Variants in MAML3 observed in about 807,000 individuals in gnomAD.
MAML3 encodes mastermind like transcriptional coactivator 3.
MAML3 carries 27 observed loss-of-function variants against 101.9 expected under a neutral mutation model. That is an observed-to-expected ratio of 0.27 (90% CI 0.20 to 0.37). The LOEUF is 0.37. Ranked by LOEUF, MAML3 falls within the 10% of genes least tolerant of loss-of-function variation. MAML3 has a pLI of 1.00. For missense variants in MAML3, 1,316 were observed against 1,444.9 expected, an observed-to-expected ratio of 0.91 and a Z score of 1.45; for synonymous variants, 501 against 555.9, an observed-to-expected ratio of 0.90 and a Z score of 1.39.
chr4:140,085,158 C>A (rs936692971), intron 1 of MAML3, among the ~76,000 whole-genome samples: 7 of 152,106 alleles, frequency 4.6e-5, no homozygotes, highest in African/African-American at 1.7e-4. Flanking sequence ...AGCCACAGCA[C>A]GAAGAAACAA....
At chr4:139,948,022 A>T (rs189301102) in intron 1 of MAML3, among the ~76,000 whole-genome samples, 486 of 152,098 alleles carry the variant, frequency 3.2e-3, no homozygotes, top group Non-Finnish European at 5.5e-3. Context: ...AATCGCTTGA[A>T]CCTGGGAGGG....
chr4:139,890,166 CT>C lies in MAML3; in HGVS notation c.1269del (p.Ala424ProfsTer17). The C allele has an allele frequency of 6.2e-7, 1 of 1,613,464 alleles. No homozygotes were observed. ...CAVQSPQTPN[Q>X]AHTPGQAPPR... is the part of the protein sequence containing the mutation. ...GGTGGAGCTTGGCCTGGAGTGTGGG[CT>C]TGGTTTGGAGTTTGAGGGGACTGGA... On this transcript the variant is annotated frameshift_variant, in exon 2 of 5. Transcript: ENST00000509479. LOFTEE classifies it high-confidence loss of function. The surrounding 1 kb of genome is among the most constrained non-coding windows in gnomAD (Gnocchi z 4.1).
At chr4:140,130,172 T>C (rs1306000847) in intron 1 of MAML3, among the ~76,000 whole-genome samples, 1 of 152,190 alleles carries the variant, frequency 6.6e-6, no homozygotes, top group African/African-American at 2.4e-5. Context: ...TCTTTTTGTT[T>C]TTCAATTGTG....
chr4:140,143,018 G>A (rs145694228), intron 1 of MAML3, among the ~76,000 whole-genome samples: 328 of 152,328 alleles, frequency 2.2e-3, no homozygotes, highest in Non-Finnish European at 3.7e-3. Context: ...TATTTGAAAT[G>A]AATTTTGTTA....
chr4:140,150,443 C>G (rs1480016614), intron 1 of MAML3, among the ~76,000 whole-genome samples: 3 of 152,114 alleles, frequency 2.0e-5, no homozygotes, highest in Non-Finnish European at 4.4e-5. Flanking sequence ...AGTTTCTGGT[C>G]GCAAACTCTA....
intron 2 of MAML3, among the ~76,000 whole-genome samples, chr4:139,732,361 C>A (rs1036355169): frequency 6.6e-6 from 1 of 152,106 alleles, no homozygotes; most frequent in Non-Finnish European, 1.5e-5. Context: ...TGCAGGCTTC[C>A]CTCTCCACTA....
rs142339572 is a variant in MAML3, at chr4:140,020,410, AT to A, written c.469-129444del. 2.5e-3 allele frequency among the ~76,000 whole-genome samples: 368 copies of A among 148,658 alleles called. 1 individual carries two copies. Among genetic ancestry groups the A allele is most frequent in the African/African-American group, 7.4e-3 (298 of 40,514 alleles). On this transcript the variant is annotated intron_variant, in intron 1 of 4. Coordinates refer to ENST00000509479, the MANE Select transcript of MAML3 (RefSeq NM_018717.5). ...CACCATGAAATCTAATTTGAGGCTG[AT>A]TTTTTTTTTTGTTTGTGCATTTGGT...
chr4:140,147,904 GTGAA>G (rs1729091955), intron 1 of MAML3, among the ~76,000 whole-genome samples: 1 of 65,224 alleles, frequency 1.5e-5, no homozygotes, highest in Non-Finnish European at 3.1e-5. Flanking sequence ...GGGTGAGTGA[GTGAA>G]TGAGTGAATG....
chr4:139,947,666 C>A (rs1026592013), intron 1 of MAML3, among the ~76,000 whole-genome samples: 27 of 152,156 alleles, frequency 1.8e-4, no homozygotes, highest in African/African-American at 6.5e-4. Flanking sequence ...TAAAGTGTAT[C>A]TAGAATCTAG....
intron 2 of MAML3, among the ~76,000 whole-genome samples, chr4:139,769,626 T>C (rs1560788698): frequency 6.6e-6 from 1 of 152,166 alleles, no homozygotes; most frequent in African/African-American, 2.4e-5. Flanking sequence ...CTTTTTCTTT[T>C]TTTTTTTTGA....
At chr4:139,817,058 A>G (rs1578614989) in intron 2 of MAML3, among the ~76,000 whole-genome samples, 1 of 152,122 alleles carries the variant, frequency 6.6e-6, no homozygotes, top group African/African-American at 2.4e-5. Context: ...CCCTTCTGAA[A>G]CATACCTCTG....
intron 2 of MAML3, among the ~76,000 whole-genome samples, chr4:139,871,348 G>T (rs903790961): frequency 1.3e-5 from 2 of 152,202 alleles, no homozygotes; most frequent in Non-Finnish European, 2.9e-5. Context: ...CTCTCACTTT[G>T]CCAGGAACCA....
chr4:139,967,295 T>C (rs952668), intron 1 of MAML3, among the ~76,000 whole-genome samples: 43,543 of 151,978 alleles, frequency 0.29, 7,436 homozygotes, highest in East Asian at 0.62. Context: ...GTCACCTTTC[T>C]GTCTCTTCAC....
At chr4:139,796,184 A>G (rs747978328) in intron 2 of MAML3, among the ~76,000 whole-genome samples, 31 of 152,206 alleles carry the variant, frequency 2.0e-4, no homozygotes, top group Admixed American at 1.6e-3. Context: ...GTTATGCTTT[A>G]TAATCTCTGG....
chr4:139,954,867 G>A (rs1275197967), intron 1 of MAML3, among the ~76,000 whole-genome samples: 1 of 151,418 alleles, frequency 6.6e-6, no homozygotes, highest in Non-Finnish European at 1.5e-5. Flanking sequence ...AATAGTACCT[G>A]TATACCATAA....
intron 1 of MAML3, among the ~76,000 whole-genome samples, chr4:139,990,333 T>G (rs1734641735): frequency 6.6e-6 from 1 of 152,148 alleles, no homozygotes; most frequent in Admixed American, 6.6e-5. Flanking sequence ...AGAAAAGGCC[T>G]TTGACAAAAT....
chr4:139,878,068 A>C (rs1193142250), intron 2 of MAML3, among the ~76,000 whole-genome samples: 4 of 152,210 alleles, frequency 2.6e-5, no homozygotes, highest in African/African-American at 4.8e-5. Context: ...AAATAGTAGA[A>C]AGTCCTCTAA....
chr4:139,772,762 G>A (rs775660204), intron 2 of MAML3, among the ~76,000 whole-genome samples: 2 of 152,054 alleles, frequency 1.3e-5, no homozygotes, highest in Non-Finnish European at 2.9e-5. Flanking sequence ...TCTTCAAGCA[G>A]AGGCTGGAAA....
intron 1 of MAML3, among the ~76,000 whole-genome samples, chr4:140,020,451 T>A (rs1056035722): frequency 3.3e-5 from 5 of 152,106 alleles, no homozygotes; most frequent in Non-Finnish European, 7.4e-5. Context: ...TCTGGCCTGG[T>A]ATTTGCTCAT....
Sources: allele counts gnomAD v4.1 joint callset (sites outside exome capture counted in the v4.1 genomes callset), GRCh38; gene constraint gnomAD v4.1.1; non-coding constraint Gnocchi (gnomAD v3.1); transcripts MANE v1.5; gene names NCBI Gene and HGNC (gene_info 2026-07-23, HGNC 2026-07-21).